LINGO2: variants seen among roughly 807,000 people sequenced by gnomAD.
The protein encoded by LINGO2 is leucine rich repeat and Ig domain containing 2.
In LINGO2, 14 loss-of-function variants were observed where a neutral mutation model predicts 30.6. That is an observed-to-expected ratio of 0.46 (90% CI 0.30 to 0.72). The LOEUF (loss-of-function observed/expected upper bound fraction) is 0.72. LINGO2 is among the 30% of genes least tolerant of loss of function. The pLI is 0.07. For synonymous variants in LINGO2, 317 were observed against 288.5 expected (o/e 1.10, Z -1.00); for missense variants, 729 against 751.7 (o/e 0.97, Z 0.35).
intron 1 of LINGO2, among the ~76,000 whole-genome samples, chr9:28,541,911 G>C (rs1439497054): frequency 1.3e-5 from 2 of 152,080 alleles, no homozygotes; most frequent in Non-Finnish European, 2.9e-5. Flanking sequence ...GAGAGGCATG[G>C]AGAGCTGAGA....
intron 4 of LINGO2, among the ~76,000 whole-genome samples, chr9:28,156,980 G>A (rs978247583): frequency 3.9e-5 from 6 of 152,206 alleles, no homozygotes; most frequent in African/African-American, 1.4e-4. Flanking sequence ...CTGGTGTTGA[G>A]TGTGGCTTTT....
At chr9:28,580,658 T>C (rs1280198997) in intron 1 of LINGO2, among the ~76,000 whole-genome samples, 1 of 152,056 alleles carries the variant, frequency 6.6e-6, no homozygotes, top group Non-Finnish European at 1.5e-5. Flanking sequence ...CTAAATCCAC[T>C]GAGACGCACA....
chr9:28,739,975 C>A, the LINGO2 span, among the ~76,000 whole-genome samples: 1 of 149,504 alleles, frequency 6.7e-6, no homozygotes, highest in Non-Finnish European at 1.5e-5. Flanking sequence ...ATGTTATCAA[C>A]CTTGTTTTCC....
chr9:28,694,063 T>A, the LINGO2 span, among the ~76,000 whole-genome samples: 1 of 151,942 alleles, frequency 6.6e-6, no homozygotes, highest in South Asian at 2.1e-4. Context: ...CTTCCAGCTA[T>A]AACTTCTGCG....
At chr9:28,211,608 T>C (rs1266770996) in intron 4 of LINGO2, among the ~76,000 whole-genome samples, 1 of 151,518 alleles carries the variant, frequency 6.6e-6, no homozygotes, top group African/African-American at 2.4e-5. Flanking sequence ...AAAAGTTATA[T>C]CTTCTGCAAA....
At chr9:28,846,322 A>G in the LINGO2 span, among the ~76,000 whole-genome samples, 1 of 151,664 alleles carries the variant, frequency 6.6e-6, no homozygotes, top group Admixed American at 6.6e-5. Flanking sequence ...GTTCGAGCCC[A>G]TCATACCCAA....
chr9:28,075,420 T>C (rs1825594675), intron 4 of LINGO2, among the ~76,000 whole-genome samples: 1 of 151,936 alleles, frequency 6.6e-6, no homozygotes, highest in Non-Finnish European at 1.5e-5. Flanking sequence ...ACTTATTCTG[T>C]TGTATATGTG....
At chr9:29,122,805 A>G in the LINGO2 span, among the ~76,000 whole-genome samples, 3 of 152,224 alleles carry the variant, frequency 2.0e-5, no homozygotes, top group Middle Eastern at 6.8e-3. Flanking sequence ...CTCACGTTCA[A>G]CACAGTACAA....
intron 4 of LINGO2, among the ~76,000 whole-genome samples, chr9:28,273,154 C>T (rs1326754741): frequency 2.0e-5 from 3 of 152,092 alleles, no homozygotes; most frequent in African/African-American, 7.2e-5. Context: ...TCCTCATATC[C>T]AACATAATTA....
chr9:28,878,376 T>C, the LINGO2 span, among the ~76,000 whole-genome samples: 5 of 152,196 alleles, frequency 3.3e-5, no homozygotes, highest in Admixed American at 2.6e-4. Flanking sequence ...AGTCCAGGAC[T>C]AGATGGATTC....
the LINGO2 span, among the ~76,000 whole-genome samples, chr9:28,774,003 A>G: frequency 6.6e-6 from 1 of 151,744 alleles, no homozygotes; most frequent in East Asian, 1.9e-4. Context: ...GTTAAAAGAA[A>G]TTTTAGGTAT....
At chr9:28,337,608 C>A (rs975459724) in intron 3 of LINGO2, among the ~76,000 whole-genome samples, 3 of 152,162 alleles carry the variant, frequency 2.0e-5, no homozygotes, top group African/African-American at 7.2e-5. Context: ...TATGCCTGGT[C>A]TAGATACCCA....
the LINGO2 span, among the ~76,000 whole-genome samples, chr9:29,067,729 C>A: frequency 2.2e-5 from 3 of 136,114 alleles, no homozygotes; most frequent in African/African-American, 2.7e-5. Flanking sequence ...AAGATGATGC[C>A]AAAGTAAAAC....
chr9:28,488,905 G>A (rs865982547), intron 1 of LINGO2, among the ~76,000 whole-genome samples: 2 of 152,080 alleles, frequency 1.3e-5, no homozygotes, highest in Admixed American at 6.5e-5. Flanking sequence ...ATAAATATTG[G>A]TCTATAAATG....
At chr9:28,969,769 C>G in the LINGO2 span, among the ~76,000 whole-genome samples, 10 of 152,142 alleles carry the variant, frequency 6.6e-5, no homozygotes, top group Non-Finnish European at 1.3e-4. Flanking sequence ...AAGAATGATT[C>G]TTAGGATTTT....
the LINGO2 span, among the ~76,000 whole-genome samples, chr9:28,733,269 C>A: frequency 5.3e-5 from 8 of 151,870 alleles, no homozygotes; most frequent in Non-Finnish European, 1.0e-4. Flanking sequence ...ATTATTTTTT[C>A]CTTATGTCTT....
intron 1 of LINGO2, among the ~76,000 whole-genome samples, chr9:28,511,887 C>A (rs1820400005): frequency 1.3e-5 from 2 of 152,146 alleles, no homozygotes; most frequent in Non-Finnish European, 2.9e-5. Flanking sequence ...AAGAAAGGGG[C>A]TGTAGTACAG....
the LINGO2 span, among the ~76,000 whole-genome samples, chr9:28,777,076 T>G: frequency 0.87 from 131,892 of 152,046 alleles, 57,432 homozygotes; most frequent in East Asian, 0.95. Context: ...AGACGCGCTT[T>G]CTTCCCCTCC....
At chr9:29,034,044 C>A in the LINGO2 span, among the ~76,000 whole-genome samples, 284 of 151,706 alleles carry the variant, frequency 1.9e-3, 1 homozygote, top group Non-Finnish European at 3.4e-3. Flanking sequence ...ATTGCGGTCA[C>A]TGCACTTCAG....
Sources: allele counts gnomAD v4.1 joint callset (sites outside exome capture counted in the v4.1 genomes callset), GRCh38; gene constraint gnomAD v4.1.1; transcripts MANE v1.5; gene names NCBI Gene and HGNC (gene_info 2026-07-23, HGNC 2026-07-21).